SNX29: variants seen among roughly 807,000 people sequenced by gnomAD.
The protein encoded by SNX29 is sorting nexin-29.
Under a neutral mutation model 102.1 loss-of-function variants are expected in SNX29, and 78 were observed. That is an observed-to-expected ratio of 0.76 (90% CI 0.64 to 0.92). The LOEUF is 0.92. Among genes scored for constraint, SNX29 ranks in the 40% least tolerant of loss-of-function variants. SNX29 has a pLI of 0.00. For missense variants in SNX29, 1,280 were observed against 1,061.7 expected (o/e 1.21, Z -2.86); for synonymous variants, 580 against 414.5 (o/e 1.40, Z -4.85).
intron 15 of SNX29, among the ~76,000 whole-genome samples, chr16:12,337,226 G>A (rs569391292): frequency 1.3e-5 from 2 of 152,216 alleles, no homozygotes; most frequent in South Asian, 2.1e-4. Flanking sequence ...ATGTCACACT[G>A]TCTCCACAGT....
At chr16:12,291,248 C>CT (rs1269352396) in intron 15 of SNX29, among the ~76,000 whole-genome samples, 2 of 152,168 alleles carry the variant, frequency 1.3e-5, no homozygotes, top group Non-Finnish European at 2.9e-5. Context: ...GCTTAATGGA[C>CT]TCACAGTTCC....
chr16:12,453,657 A>T (rs1019182144), intron 18 of SNX29, among the ~76,000 whole-genome samples: 2 of 152,078 alleles, frequency 1.3e-5, no homozygotes, highest in African/African-American at 4.8e-5. Context: ...CTGGGATTAG[A>T]GGCATGAGCC....
chr16:12,194,479 G>C (rs1191750314), intron 13 of SNX29, among the ~76,000 whole-genome samples: 1 of 151,948 alleles, frequency 6.6e-6, no homozygotes. Flanking sequence ...GGGTGGGGAG[G>C]GCCTTATTTC....
Position 12,568,498 on chromosome 16 carries a change from T to TA in SNX29, c.2319-8_2319-7insA. ...AGACTTAACCCGATTCTCTCCCTGC[T>TA]CTTTCAGCGACATCACCCCGCCCGG... On this transcript the variant is annotated splice_polypyrimidine_tract_variant and splice_region_variant and intron_variant, in intron 20 of 20. Coordinates refer to ENST00000566228, the MANE Select transcript of SNX29 (RefSeq NM_032167.5). The TA allele has an allele frequency of 6.2e-7, 1 of 1,609,450 alleles. No homozygotes were observed. Among genetic ancestry groups the TA allele is most frequent in the Non-Finnish European group, 8.5e-7 (1 of 1,179,790 alleles).
intron 8 of SNX29, among the ~76,000 whole-genome samples, chr16:12,059,797 A>G (rs1357291889): frequency 6.6e-6 from 1 of 152,238 alleles, no homozygotes; most frequent in Non-Finnish European, 1.5e-5. Context: ...TAGCTCTAAC[A>G]TAAAGACAAA....
chr16:12,526,523 C>T, intron 20 of SNX29: 1 of 512,082 alleles, frequency 2.0e-6, no homozygotes, highest in Middle Eastern at 2.9e-4. Flanking sequence ...CTTTATTTTT[C>T]TTTTCTTCTT....
At chr16:12,423,056 G>C (rs1567547804) in intron 18 of SNX29, among the ~76,000 whole-genome samples, 1 of 152,086 alleles carries the variant, frequency 6.6e-6, no homozygotes, top group East Asian at 1.9e-4. Flanking sequence ...CAAAAACCCA[G>C]CCTCATAGTG....
intron 20 of SNX29, among the ~76,000 whole-genome samples, chr16:12,529,698 TTC>T (rs1484314636): frequency 6.6e-6 from 1 of 151,994 alleles, no homozygotes; most frequent in African/African-American, 2.4e-5. Context: ...TGCTGCTGCA[TTC>T]TCTCTTAGGG....
chr16:12,561,508 G>C (rs910293823), intron 20 of SNX29, among the ~76,000 whole-genome samples: 5 of 152,180 alleles, frequency 3.3e-5, no homozygotes, highest in Non-Finnish European at 5.9e-5. Flanking sequence ...GATCACAGGT[G>C]AAACAAAGTG....
chr16:12,270,928 A>G (rs1237190239), intron 14 of SNX29, among the ~76,000 whole-genome samples: 2 of 152,202 alleles, frequency 1.3e-5, no homozygotes, highest in African/African-American at 2.4e-5. Flanking sequence ...CTGTAATCCC[A>G]GCTACTCAAG....
chr16:12,286,558 G>A (rs1196536294), intron 15 of SNX29, among the ~76,000 whole-genome samples: 3 of 151,464 alleles, frequency 2.0e-5, no homozygotes, highest in Admixed American at 2.0e-4. Context: ...TGTAAGCCAG[G>A]ATGGTCTCGA....
chr16:12,444,847 T>G (rs1192490975), intron 18 of SNX29, among the ~76,000 whole-genome samples: 4 of 147,316 alleles, frequency 2.7e-5, no homozygotes, highest in African/African-American at 7.8e-5. Flanking sequence ...TTTTTGTTTT[T>G]TTTTTTTTTT....
intron 20 of SNX29, among the ~76,000 whole-genome samples, chr16:12,562,459 C>G (rs1403031053): frequency 2.0e-5 from 3 of 152,178 alleles, no homozygotes; most frequent in East Asian, 1.9e-4. Flanking sequence ...TTTGATCCCC[C>G]TTCATAGGCT....
chr16:12,540,882 A>G (rs1444950960), intron 20 of SNX29, among the ~76,000 whole-genome samples: 1 of 152,120 alleles, frequency 6.6e-6, no homozygotes, highest in Non-Finnish European at 1.5e-5. Flanking sequence ...CCACTTCTGG[A>G]CCCAGAGCTG....
intron 1 of SNX29, among the ~76,000 whole-genome samples, chr16:11,996,113 T>G (rs2056063173): frequency 6.7e-6 from 1 of 149,220 alleles, no homozygotes; most frequent in African/African-American, 2.5e-5. Context: ...AACCAGAACC[T>G]CCCTTTTGGG....
chr16:12,345,039 G>C (rs1214423913), intron 15 of SNX29, among the ~76,000 whole-genome samples: 1 of 152,200 alleles, frequency 6.6e-6, no homozygotes, highest in African/African-American at 2.4e-5. Context: ...AGAGGCCTCT[G>C]CCCCTTTTTC....
At chr16:12,519,979 G>A (rs1185035254) in intron 19 of SNX29, among the ~76,000 whole-genome samples, 4 of 151,926 alleles carry the variant, frequency 2.6e-5, no homozygotes, top group African/African-American at 9.7e-5. Flanking sequence ...GCGAGACTCT[G>A]TCCCGCCTGC....
intron 16 of SNX29, among the ~76,000 whole-genome samples, chr16:12,380,965 T>C (rs1325670370): frequency 3.7e-5 from 2 of 54,748 alleles, no homozygotes; most frequent in Admixed American, 1.9e-4. Flanking sequence ...ATCCATCAAT[T>C]TCATCCACCC....
At chr16:12,549,741 A>C (rs2141333556) in intron 20 of SNX29, among the ~76,000 whole-genome samples, 1 of 152,332 alleles carries the variant, frequency 6.6e-6, no homozygotes, top group African/African-American at 2.4e-5. Context: ...GTGTTCCAGC[A>C]TTTACTTTGA....
Sources: gnomAD v4.1 joint callset for allele counts (sites outside exome capture counted in the v4.1 genomes callset) on GRCh38, gnomAD v4.1.1 for gene constraint, MANE v1.5 for transcripts, NCBI Gene and HGNC (gene_info 2026-07-23, HGNC 2026-07-21) for gene names.